The following SAMD4A variants were observed in gnomAD, a reference collection of about 807,000 sequenced individuals.
SAMD4A encodes sterile alpha motif domain containing 4A.
A neutral mutation model predicts 81.3 loss-of-function variants in SAMD4A; 33 were observed. The ratio of observed to expected loss-of-function variants is 0.41; its 90% confidence interval spans 0.31 to 0.54. SAMD4A has a LOEUF of 0.54. Among genes scored for constraint, SAMD4A ranks in the 20% least tolerant of loss-of-function variants. The pLI, the probability that SAMD4A is intolerant of heterozygous loss-of-function variation, is 0.37. For synonymous variants in SAMD4A, 389 were observed against 382.1 expected (o/e 1.02, Z -0.21); for missense variants, 854 against 951.1 (o/e 0.90, Z 1.34).
At chr14:54,655,181 G>A (rs1383756373) in intron 2 of SAMD4A, among the ~76,000 whole-genome samples, 1 of 152,186 alleles carries the variant, frequency 6.6e-6, no homozygotes, top group Non-Finnish European at 1.5e-5. Flanking sequence ...TTATTTTGCG[G>A]ATGAAAGATA....
At chr14:54,612,402 T>C (rs2034380555) in intron 2 of SAMD4A, among the ~76,000 whole-genome samples, 2 of 152,186 alleles carry the variant, frequency 1.3e-5, no homozygotes, top group Admixed American at 6.5e-5. Context: ...TCCTGCTTGA[T>C]AGAGTTTGGG....
At chr14:54,678,431 ATT>A (rs1199452458) in intron 2 of SAMD4A, among the ~76,000 whole-genome samples, 1 of 77,358 alleles carries the variant, frequency 1.3e-5, no homozygotes, top group African/African-American at 5.0e-5. Flanking sequence ...GGCAGTCACC[ATT>A]TGTGTGTGTG....
At chr14:54,786,016 G>A (rs75275673) in intron 12 of SAMD4A, among the ~76,000 whole-genome samples, 2,548 of 152,326 alleles carry the variant, frequency 0.017, 40 homozygotes, top group South Asian at 0.05. Context: ...GGCAGGAGGT[G>A]CTGCCAGCTC....
intron 2 of SAMD4A, among the ~76,000 whole-genome samples, chr14:54,675,062 G>A (rs945425256): frequency 3.3e-5 from 5 of 152,078 alleles, no homozygotes; most frequent in Non-Finnish European, 7.4e-5. Context: ...TCAGTAGGGA[G>A]AGATTTTAAA....
intron 2 of SAMD4A, among the ~76,000 whole-genome samples, chr14:54,688,538 C>T (rs557113933): frequency 8.5e-5 from 13 of 152,326 alleles, no homozygotes; most frequent in Admixed American, 7.2e-4. Flanking sequence ...CGGGCCAAAT[C>T]GTGGCTTCCC....
intron 2 of SAMD4A, among the ~76,000 whole-genome samples, chr14:54,640,025 T>TA (rs72283032): frequency 0.37 from 54,488 of 148,446 alleles, 10,129 homozygotes; most frequent in South Asian, 0.43. Flanking sequence ...CTATGTTTGA[T>TA]AAAAAAAAAA....
Position 54,748,692 on chromosome 14 carries a change from A to G in SAMD4A, c.980-123A>G, listed in dbSNP as rs551102607. 6.8e-5 allele frequency: 45 copies of G among 663,424 alleles called. No individual in the cohort carries two copies. In the East Asian group the frequency reaches 1.2e-3, roughly 17 times the overall value. The allele number at this position is 663,424 out of a possible 1,614,324, so 41.1% of individuals were successfully genotyped here. On this transcript the variant is annotated intron_variant, in intron 4 of 12. Coordinates refer to ENST00000554335, the MANE Select transcript of SAMD4A (RefSeq NM_015589.6). Reference sequence around the variant, plus strand: ...AAATACATAGTAACATAAAGGTGTTACTTTTTCTTTTTTTTTCCTTTGACC... The same window carrying G: ...AAATACATAGTAACATAAAGGTGTTGCTTTTTCTTTTTTTTTCCTTTGACC...
At chr14:54,610,476 C>T (rs572446034) in intron 2 of SAMD4A, among the ~76,000 whole-genome samples, 151 of 152,324 alleles carry the variant, frequency 9.9e-4, no homozygotes, top group African/African-American at 3.6e-3. Flanking sequence ...CCAGCTCTTA[C>T]TATTCTCTTT....
chr14:54,575,816 A>G (rs1443068000), intron 2 of SAMD4A, among the ~76,000 whole-genome samples: 1 of 152,104 alleles, frequency 6.6e-6, no homozygotes, highest in Non-Finnish European at 1.5e-5. Flanking sequence ...CATTTTATAT[A>G]CTGCTCTCAG....
At chr14:54,718,217 C>G (rs985385459) in intron 3 of SAMD4A, among the ~76,000 whole-genome samples, 1 of 152,202 alleles carries the variant, frequency 6.6e-6, no homozygotes, top group Admixed American at 6.5e-5. Flanking sequence ...TGTGAGCTGC[C>G]TTCCACTCTT....
At chr14:54,606,414 T>C (rs936066031) in intron 2 of SAMD4A, among the ~76,000 whole-genome samples, 3 of 152,236 alleles carry the variant, frequency 2.0e-5, no homozygotes, top group African/African-American at 7.2e-5. Context: ...ATCTGTGGCA[T>C]GTGCCTGCTT....
chr14:54,684,618 C>A (rs995460864), intron 2 of SAMD4A, among the ~76,000 whole-genome samples: 1 of 26,006 alleles, frequency 3.8e-5, no homozygotes, highest in East Asian at 7.7e-4. Context: ...CCCCGCCCCC[C>A]CCCCCAACCA....
intron 2 of SAMD4A, among the ~76,000 whole-genome samples, chr14:54,670,039 C>CT (rs1260734280): frequency 6.6e-6 from 1 of 152,180 alleles, no homozygotes; most frequent in African/African-American, 2.4e-5. Flanking sequence ...TGTGAACGCA[C>CT]TGAGTGTTTG....
At position 54,641,394 on chromosome 14, in the gene SAMD4A, C is replaced by T. The variant is rs191578926; in HGVS notation, c.197-60668C>T. ...TTAGCCCTACAGATCACAACCTAGT[C>T]TTATTTGAAACTCATTTAATGTGAT... On this transcript the variant is annotated intron_variant, in intron 2 of 12. Transcript: ENST00000554335. 3.2e-4 allele frequency among the ~76,000 whole-genome samples: 49 copies of T among 152,328 alleles called. 2 individuals are homozygous for T. Among genetic ancestry groups the T allele is most frequent in the South Asian group, 1.9e-3 (9 of 4,828 alleles).
intron 4 of SAMD4A, among the ~76,000 whole-genome samples, chr14:54,747,089 G>A (rs1316730122): frequency 1.3e-5 from 2 of 152,226 alleles, no homozygotes; most frequent in East Asian, 3.8e-4. Context: ...ATTTGAGTGA[G>A]GATGATGTAA....
chr14:54,645,451 C>T (rs2035266176), intron 2 of SAMD4A, among the ~76,000 whole-genome samples: 1 of 152,232 alleles, frequency 6.6e-6, no homozygotes, highest in African/African-American at 2.4e-5. Flanking sequence ...TTACGAAAGA[C>T]TCTGCTCGTT....
intron 2 of SAMD4A, among the ~76,000 whole-genome samples, chr14:54,671,461 T>C (rs773674988): frequency 7.2e-5 from 11 of 152,122 alleles, no homozygotes; most frequent in Admixed American, 6.5e-4. Flanking sequence ...ATGGGAGTGA[T>C]TGTTAAATGA....
At chr14:54,681,197 C>T (rs943490260) in intron 2 of SAMD4A, among the ~76,000 whole-genome samples, 8 of 149,620 alleles carry the variant, frequency 5.3e-5, no homozygotes, top group Non-Finnish European at 1.2e-4. Context: ...GCCCCCCAAC[C>T]CCCCAACCGT....
chr14:54,609,304 G>A (rs1307328198), intron 2 of SAMD4A, among the ~76,000 whole-genome samples: 2 of 152,210 alleles, frequency 1.3e-5, no homozygotes, highest in Admixed American at 1.3e-4. Flanking sequence ...TATGAGCCAA[G>A]GAATGCAGGC....
Sources: gnomAD v4.1 joint callset for allele counts (sites outside exome capture counted in the v4.1 genomes callset) on GRCh38, gnomAD v4.1.1 for gene constraint, MANE v1.5 for transcripts, NCBI Gene and HGNC (gene_info 2026-07-23, HGNC 2026-07-21) for gene names.